The following KCNG2 variants were observed in gnomAD, a reference collection of about 807,000 sequenced individuals.
The protein encoded by KCNG2 is potassium voltage-gated channel modifier subfamily G member 2, also known as voltage-gated potassium channel regulatory subunit KCNG2.
KCNG2 carries 7 observed loss-of-function variants against 12.3 expected under a neutral mutation model. That is an observed-to-expected ratio of 0.57 (90% CI 0.32 to 1.07). The LOEUF is 1.07. Among genes scored for constraint, KCNG2 ranks in the 50% least tolerant of loss-of-function variants. KCNG2 has a pLI of 0.04. For synonymous variants in KCNG2, 414 were observed against 351.4 expected (o/e 1.18, Z -1.99); for missense variants, 703 against 726.0 (o/e 0.97, Z 0.36).
chr18:79,866,861 G>T (rs71279365), intron 3 of KCNG2, among the ~76,000 whole-genome samples: 2 of 122,256 alleles, frequency 1.6e-5, no homozygotes, highest in Admixed American at 8.8e-5. Context: ...TGAGGTGTGG[G>T]TGCTGAGGTC....
chr18:79,842,288 A>G (rs1322110804), intron 1 of KCNG2, among the ~76,000 whole-genome samples: 1 of 152,214 alleles, frequency 6.6e-6, no homozygotes, highest in Non-Finnish European at 1.5e-5. Context: ...AACCTGCCTG[A>G]GGACTCCAGC....
At chr18:79,871,164 C>T (rs1033043018) in intron 3 of KCNG2, among the ~76,000 whole-genome samples, 1 of 152,198 alleles carries the variant, frequency 6.6e-6, no homozygotes, top group Non-Finnish European at 1.5e-5. Context: ...CACAGGCCTC[C>T]GGGGTCCGCC....
intron 1 of KCNG2, among the ~76,000 whole-genome samples, chr18:79,834,762 A>G (rs1978314599): frequency 1.3e-5 from 2 of 152,216 alleles, no homozygotes; most frequent in Non-Finnish European, 2.9e-5. Flanking sequence ...TTTTCTCCCA[A>G]CAGACTTCCT....
chr18:79,895,404 T>A (rs1341519176), intron 3 of KCNG2, among the ~76,000 whole-genome samples: 2 of 152,096 alleles, frequency 1.3e-5, no homozygotes, highest in Non-Finnish European at 2.9e-5. Context: ...TGGGTCTGTG[T>A]CTTCTTTTGA....
chr18:79,804,388 G>C (rs927057874), intron 1 of KCNG2, among the ~76,000 whole-genome samples: 16 of 152,216 alleles, frequency 1.1e-4, no homozygotes, highest in Admixed American at 9.8e-4. Context: ...CTCCAGGGGG[G>C]ACTCAGCACC....
rs779090577 is a variant in KCNG2, at chr18:79,899,811, C to A, written c.1396C>A (p.Arg466Ser). ...GGATGCGCTGTGGGTGCGGGCAGGG[C>A]GCTGACGCCTGCGCCGCCCACACGG... ...SADALWVRAG[R>S] Residue 466 changes from arginine (R) to serine (S), a missense_variant, in exon 4 of 4, where the codon CGC becomes AGC. By Grantham distance (110) the Arg-to-Ser change is moderately radical. Transcript: ENST00000316249. 2.2e-6 allele frequency: 3 copies of A among 1,391,120 alleles called. No homozygotes were observed. In the Admixed American group the frequency reaches 1.1e-4, roughly 49 times the overall value. The allele number at this position is 1,391,120 out of a possible 1,614,324, so 86.2% of individuals were successfully genotyped here.
chr18:79,851,596 G>A (rs1245921598), intron 1 of KCNG2, among the ~76,000 whole-genome samples: 2 of 148,042 alleles, frequency 1.4e-5, no homozygotes, highest in African/African-American at 2.4e-5. Context: ...CGCTGTGTGT[G>A]TGCATGTGCG....
At chr18:79,888,010 T>A (rs1980594809) in intron 3 of KCNG2, among the ~76,000 whole-genome samples, 1 of 152,182 alleles carries the variant, frequency 6.6e-6, no homozygotes, top group African/African-American at 2.4e-5. Flanking sequence ...CACACAACAT[T>A]CTGAATGCAT....
chr18:79,844,066 A>C (rs1039103365), intron 1 of KCNG2, among the ~76,000 whole-genome samples: 7 of 152,210 alleles, frequency 4.6e-5, no homozygotes, highest in African/African-American at 1.4e-4. Context: ...TAACCAAAAG[A>C]GAGCAGGGGT....
intron 1 of KCNG2, among the ~76,000 whole-genome samples, chr18:79,852,719 G>A (rs1978868314): frequency 6.6e-6 from 1 of 152,260 alleles, no homozygotes. Flanking sequence ...AGCCACCGAC[G>A]GGGAATGAAG....
intron 1 of KCNG2, among the ~76,000 whole-genome samples, chr18:79,802,184 A>T (rs2087414785): frequency 6.6e-6 from 1 of 152,238 alleles, no homozygotes. Context: ...TGTGGGTTTT[A>T]AAATCATGGA....
intron 1 of KCNG2, among the ~76,000 whole-genome samples, chr18:79,812,940 G>A (rs1454621338): frequency 5.3e-5 from 8 of 152,092 alleles, no homozygotes; most frequent in Non-Finnish European, 4.4e-5. Context: ...GGCGGATCAC[G>A]AGGTCAGGAG....
chr18:79,826,700 G>A (rs1978286382), intron 1 of KCNG2, among the ~76,000 whole-genome samples: 1 of 139,656 alleles, frequency 7.2e-6, no homozygotes, highest in Non-Finnish European at 1.5e-5. Flanking sequence ...CTCACGGAAG[G>A]TTAGTTCGGC....
At chr18:79,824,233 A>G (rs1226662754) in intron 1 of KCNG2, among the ~76,000 whole-genome samples, 1 of 152,234 alleles carries the variant, frequency 6.6e-6, no homozygotes, top group East Asian at 1.9e-4. Context: ...TCCTGGACTC[A>G]AGCGATCCCC....
Position 79,899,527 on chromosome 18 carries a change from G to GCTA in KCNG2, c.1114_1116dup (p.Tyr372dup). 1 of 1,606,760 alleles carries GCTA rather than the reference G, an allele frequency of 6.2e-7. No individual in the cohort carries two copies. Among genetic ancestry groups the GCTA allele is most frequent in the Non-Finnish European group, 8.5e-7 (1 of 1,177,388 alleles). ...GCCGTCATCTCCATGACCACCGTGG[G>GCTA]CTACGGCGACATGGTCCCGCGCAGC... On this transcript the variant is annotated inframe_insertion, in exon 4 of 4. Transcript: ENST00000316249.
At chr18:79,879,216 G>A (rs1386166996) in intron 3 of KCNG2, among the ~76,000 whole-genome samples, 1 of 152,250 alleles carries the variant, frequency 6.6e-6, no homozygotes, top group Non-Finnish European at 1.5e-5. Flanking sequence ...CCTCAAAGGG[G>A]AGAATGGCAT....
intron 1 of KCNG2, among the ~76,000 whole-genome samples, chr18:79,846,384 A>G (rs1978629729): frequency 6.6e-6 from 1 of 151,346 alleles, no homozygotes; most frequent in Non-Finnish European, 1.5e-5. Context: ...CAAAAAAAAA[A>G]AAAAAAAAAA....
chr18:79,867,847 C>A (rs571302453), intron 3 of KCNG2, among the ~76,000 whole-genome samples: 1 of 152,242 alleles, frequency 6.6e-6, no homozygotes, highest in East Asian at 1.9e-4. Flanking sequence ...GGGCAGAGCA[C>A]CCACCGTCAG....
rs1441736897 is a variant in KCNG2, at chr18:79,800,111, G to A, written c.-115+2097G>A. 6.6e-6 allele frequency among the ~76,000 whole-genome samples: 1 copy of A among 152,134 alleles called. No homozygotes were observed. The highest frequency in any genetic ancestry group is 1.5e-5 in the Non-Finnish European group (1 of 68,020). ...CAGCGCGAACGGAGGGCTGTTTGTC[G>A]TGGGAGGCGCGTCTCTCTGCAGCCC... On this transcript the variant is annotated intron_variant, in intron 1 of 3. Coordinates refer to ENST00000316249, the MANE Select transcript of KCNG2 (RefSeq NM_012283.2). This position sits in a 1 kb window ranked among gnomAD's most constrained non-coding sequence, Gnocchi z 4.0.
Sources: gnomAD v4.1 joint callset for allele counts (sites outside exome capture counted in the v4.1 genomes callset) on GRCh38, gnomAD v4.1.1 for gene constraint, Gnocchi (gnomAD v3.1) non-coding constraint, MANE v1.5 for transcripts, NCBI Gene and HGNC (gene_info 2026-07-23, HGNC 2026-07-21) for gene names.